LIMD1: variants seen among roughly 807,000 people sequenced by gnomAD.
LIMD1 encodes LIM domain containing 1, also known as LIM domain-containing protein 1.
In LIMD1, 23 loss-of-function variants were observed where a neutral mutation model predicts 58.4. The observed-to-expected ratio is 0.39, with a 90% CI of 0.28 to 0.56. LIMD1 has a LOEUF of 0.56. LIMD1 is among the 20% of genes least tolerant of loss of function. LIMD1 has a pLI of 0.57. For missense variants in LIMD1, 838 were observed against 855.5 expected, an observed-to-expected ratio of 0.98 and a Z score of 0.25; for synonymous variants, 334 against 345.5, an observed-to-expected ratio of 0.97 and a Z score of 0.37.
chr3:45,677,061 C>G lies in LIMD1; in HGVS notation c.*2C>G. 6.2e-7 allele frequency: 1 copy of G among 1,613,038 alleles called. No individual in the cohort carries two copies. The highest frequency in any genetic ancestry group is 1.1e-5 in the South Asian group (1 of 91,056). ...GCCCTTCACCAGCACCACTTCTAGC[C>G]AGAGCCACTTGCAGACATCACGGCA... is the stretch of plus-strand genomic sequence containing the variant. On this transcript the variant is annotated 3_prime_UTR_variant, in exon 8 of 8. Coordinates refer to ENST00000273317, the MANE Select transcript of LIMD1 (RefSeq NM_014240.3).
intron 1 of LIMD1, among the ~76,000 whole-genome samples, chr3:45,608,454 A>G (rs1156283642): frequency 6.6e-6 from 1 of 152,190 alleles, no homozygotes; most frequent in African/African-American, 2.4e-5. Flanking sequence ...AAGCCCACTG[A>G]CGGAGTGAAG....
At chr3:45,654,618 C>T (rs1245708860) in intron 2 of LIMD1, among the ~76,000 whole-genome samples, 1 of 151,682 alleles carries the variant, frequency 6.6e-6, no homozygotes, top group Non-Finnish European at 1.5e-5. Flanking sequence ...AGCTTGAACC[C>T]CGGAGTTTGA....
chr3:45,636,312 A>C, intron 2 of LIMD1, 61 bp downstream of exon 2: 1 of 1,247,762 alleles, frequency 8.0e-7, no homozygotes, highest in Non-Finnish European at 1.1e-6. Context: ...GGAACCGAGA[A>C]AGGGAGGAGA....
intron 1 of LIMD1, among the ~76,000 whole-genome samples, chr3:45,602,967 G>T (rs1042083105): frequency 6.6e-6 from 1 of 151,902 alleles, no homozygotes; most frequent in African/African-American, 2.4e-5. Flanking sequence ...CAGCCTCCTG[G>T]ATAGCTGGGA....
rs575140257 is a variant in LIMD1, at chr3:45,625,012, A to G, written c.1409-11138A>G. 3.3e-5 allele frequency among the ~76,000 whole-genome samples: 5 copies of G among 151,454 alleles called. 1 individual carries two copies. The South Asian group carries it at 1.0e-3, about 31-fold the overall frequency. Reference sequence around the variant, plus strand: ...ATACCAATTCAGGGTAACTTATTTCACGTGGAAGGCTGCCCAGGCCAGGCA... The same window carrying G: ...ATACCAATTCAGGGTAACTTATTTCGCGTGGAAGGCTGCCCAGGCCAGGCA... On this transcript the variant is annotated intron_variant, in intron 1 of 7. Coordinates refer to ENST00000273317, the MANE Select transcript of LIMD1 (RefSeq NM_014240.3).
At chr3:45,654,942 C>T (rs1702013569) in intron 2 of LIMD1, among the ~76,000 whole-genome samples, 1 of 136,652 alleles carries the variant, frequency 7.3e-6, no homozygotes, top group Non-Finnish European at 1.5e-5. Context: ...TTTTTTAAGA[C>T]ATAGTCTCAC....
At chr3:45,621,782 A>C (rs952273076) in intron 1 of LIMD1, among the ~76,000 whole-genome samples, 1 of 152,166 alleles carries the variant, frequency 6.6e-6, no homozygotes, top group African/African-American at 2.4e-5. Context: ...TGTGCAATTC[A>C]GGCTGGGCGC....
At chr3:45,629,904 C>T (rs1701710358) in intron 1 of LIMD1, among the ~76,000 whole-genome samples, 2 of 152,302 alleles carry the variant, frequency 1.3e-5, no homozygotes, top group Non-Finnish European at 2.9e-5. Flanking sequence ...GGGAACTTTT[C>T]CCATCATAAT....
chr3:45,676,937 C>T lies in LIMD1; in HGVS notation c.1909C>T (p.Leu637Phe), dbSNP rs776233108. The change falls in exon 8 of 8, where the codon CTC becomes TTC. Residue 637 changes from leucine (L) to phenylalanine (F), a missense_variant. Physicochemically the swap from Leu to Phe is conservative, Grantham distance 22. This residue lies in a region of LIMD1 where 174 missense variants were observed against 197.4 expected (regional missense o/e 0.88). Transcript: ENST00000273317. ...CTCCCCACAGGACTGTGGTCTGGAG[C>T]TCAATGATGAAGATGGCCACCGCTG... ...CYHCEDCGLE[L>F]NDEDGHRCYP... is the part of the protein sequence containing the mutation. The T allele has an allele frequency of 7.4e-6, 12 of 1,614,012 alleles. No homozygotes were observed. Among genetic ancestry groups the T allele is most frequent in the Middle Eastern group, 1.6e-4 (1 of 6,084 alleles).
chr3:45,674,367 G>A lies in LIMD1; in HGVS notation c.1849G>A (p.Val617Met), dbSNP rs764843661. 35 of 1,613,698 alleles carry A rather than the reference G, an allele frequency of 2.2e-5. No individual in the cohort carries two copies. Among genetic ancestry groups the A allele is most frequent in the South Asian group, 1.2e-4 (11 of 91,054 alleles). ...GGGCTCAGATGAGACCATCCGTGTC[G>A]TGTCCATGGACAGAGACTACCACGT... is the stretch of plus-strand genomic sequence containing the variant. ...PEGSDETIRVVSMDRDYHVEC... is the reference protein window; with the variant it reads ...PEGSDETIRVMSMDRDYHVEC... The change falls in exon 7 of 8, where the codon GTG (valine) becomes ATG (methionine). Residue 617 changes from valine (V) to methionine (M), a missense_variant. By Grantham distance (21) the Val-to-Met change is conservative. Around this residue, in one of 3 missense-constraint regions of LIMD1, gnomAD observed 174 missense variants for 197.4 expected, o/e 0.88. Transcript: ENST00000273317.
intron 2 of LIMD1, among the ~76,000 whole-genome samples, chr3:45,648,730 C>T (rs11710266): frequency 0.19 from 28,555 of 152,046 alleles, 3,099 homozygotes; most frequent in Non-Finnish European, 0.25. Flanking sequence ...TCCTTGCCAA[C>T]GCTTAGGCTT....
At position 45,686,333 on chromosome 3, in the gene LIMD1, C is replaced by T. The variant is rs561168935; in HGVS notation, c.*9274C>T. ...GCTGGCTAATAAAGGACTCTTAATT[C>T]GTCTTAAAGTGTGGCGTTTTTCTAA... On this transcript the variant is annotated 3_prime_UTR_variant, in exon 8 of 8. Transcript: ENST00000273317. 1.3e-5 allele frequency: 2 copies of T among 151,418 alleles called. No homozygotes were observed. Among genetic ancestry groups the T allele is most frequent in the Admixed American group, 6.6e-5 (1 of 15,172 alleles). 9.4% of individuals were successfully genotyped at this position (151,418 alleles called of 1,614,324 possible).
At position 45,675,383 on chromosome 3, in the gene LIMD1, A is replaced by G. The variant is rs149514083; in HGVS notation, c.1893+972A>G. On this transcript the variant is annotated intron_variant, in intron 7 of 7. Transcript: ENST00000273317. ...CATCTCTACTAAAAATACAAAGATT[A>G]GTGGGCGTGGTGGCACACGCCTGTA... Among the ~76,000 whole-genome samples the G allele has an allele frequency of 2.7e-3, 416 of 152,292 alleles. 11 individuals carry two copies. The East Asian group carries it at 0.051, about 19-fold the overall frequency.
At chr3:45,611,132 A>G (rs1055700638) in intron 1 of LIMD1, among the ~76,000 whole-genome samples, 2 of 152,234 alleles carry the variant, frequency 1.3e-5, no homozygotes, top group African/African-American at 2.4e-5. Context: ...TCTCAAAAGC[A>G]TGGAAGCGTC....
intron 2 of LIMD1, among the ~76,000 whole-genome samples, chr3:45,650,276 A>G (rs1204651326): frequency 6.6e-6 from 1 of 152,076 alleles, no homozygotes; most frequent in East Asian, 1.9e-4. Flanking sequence ...TCTGCTATTA[A>G]TCCCATCCAG....
At chr3:45,644,033 G>A (rs913050066) in intron 2 of LIMD1, among the ~76,000 whole-genome samples, 1 of 152,198 alleles carries the variant, frequency 6.6e-6, no homozygotes, top group African/African-American at 2.4e-5. Context: ...CTGCGAATGG[G>A]ATTTATAGTA....
intron 1 of LIMD1, among the ~76,000 whole-genome samples, chr3:45,596,880 G>A (rs1464017485): frequency 1.3e-5 from 1 of 77,146 alleles, no homozygotes; most frequent in African/African-American, 5.7e-5. Flanking sequence ...TTTTTTTTTT[G>A]AGATGGAGTC....
intron 2 of LIMD1, among the ~76,000 whole-genome samples, chr3:45,656,184 G>A (rs1380562811): frequency 6.6e-6 from 1 of 152,116 alleles, no homozygotes; most frequent in African/African-American, 2.4e-5. Context: ...CCCTGATGTT[G>A]GACTTCCAAC....
chr3:45,636,325 G>T (rs953761799), intron 2 of LIMD1, 74 bp downstream of exon 2: 2 of 1,141,890 alleles, frequency 1.8e-6, no homozygotes, highest in Non-Finnish European at 2.5e-6. Context: ...GGAGGAGAGA[G>T]ATCATCTTTC....
Sources: allele counts gnomAD v4.1 joint callset (sites outside exome capture counted in the v4.1 genomes callset), GRCh38; gene constraint gnomAD v4.1.1; regional missense constraint gnomAD v4.1.1; transcripts MANE v1.5; gene names NCBI Gene and HGNC (gene_info 2026-07-23, HGNC 2026-07-21).